Variants in PCDHGB3 observed in about 807,000 individuals in gnomAD.
PCDHGB3 encodes protocadherin gamma-B3.
A neutral mutation model predicts 59.2 loss-of-function variants in PCDHGB3; 40 were observed. The observed-to-expected ratio is 0.68, with a 90% CI of 0.52 to 0.88. The LOEUF (loss-of-function observed/expected upper bound fraction) is 0.88, where lower values mean the gene tolerates loss of function less well. Among genes scored for constraint, PCDHGB3 ranks in the 40% least tolerant of loss-of-function variants. The probability of loss-of-function intolerance (pLI) is 0.00; values close to 1 mark genes in which losing one functional copy is unlikely to be tolerated. For missense variants in PCDHGB3, 1,309 were observed against 1,187.9 expected (o/e 1.10, Z -1.50); for synonymous variants, 581 against 503.6 (o/e 1.15, Z -2.06).
chr5:141,498,045 A>G (rs1368474174), intron 2 of PCDHGB3, among the ~76,000 whole-genome samples: 4 of 152,256 alleles, frequency 2.6e-5, no homozygotes, highest in Non-Finnish European at 4.4e-5. Flanking sequence ...AATTACAAAA[A>G]TAAATGTGAG....
chr5:141,500,036 T>C (rs1001193977), intron 2 of PCDHGB3, among the ~76,000 whole-genome samples: 8 of 152,176 alleles, frequency 5.3e-5, no homozygotes, highest in African/African-American at 1.9e-4. Flanking sequence ...TGAGTGTCTC[T>C]TAAGTATCTT....
intron 1 of PCDHGB3, among the ~76,000 whole-genome samples, chr5:141,488,463 C>T (rs926068842): frequency 6.6e-6 from 1 of 152,164 alleles, no homozygotes; most frequent in African/African-American, 2.4e-5. Flanking sequence ...GATTCAGCCC[C>T]AGAAATGTTC....
chr5:141,470,358 A>G (rs1263824284), intron 1 of PCDHGB3, among the ~76,000 whole-genome samples: 2 of 152,174 alleles, frequency 1.3e-5, no homozygotes, highest in African/African-American at 4.8e-5. Context: ...AAATAGACAC[A>G]TTAGGTTGAA....
At chr5:141,479,470 T>G (rs2099497188) in intron 1 of PCDHGB3, 1 of 152,250 alleles carries the variant, frequency 6.6e-6, no homozygotes, top group African/African-American at 2.4e-5. Context: ...CAGTGACCTC[T>G]TGGGAGGGCA....
In PCDHGB3 at chr5:141,431,354, G is replaced by T. The variant is rs777198567; in HGVS notation, c.2415+58545G>T. The T allele has an allele frequency of 1.9e-6, 3 of 1,614,036 alleles. No individual in the cohort carries two copies. In the South Asian group the frequency reaches 3.3e-5, roughly 18 times the overall value. ...GTACCCCGAATTGGTGCTGAAACGC[G>T]CCCTGGACCGCGAAGAAAAGGCTGC... On this transcript the variant is annotated intron_variant, in intron 1 of 3. Coordinates refer to ENST00000576222, the MANE Select transcript of PCDHGB3 (RefSeq NM_018924.5). This position sits in a 1 kb window ranked among gnomAD's most constrained non-coding sequence, Gnocchi z 4.8.
chr5:141,431,584 G>A lies in PCDHGB3; in HGVS notation c.2415+58775G>A, dbSNP rs201462681. 7 of 1,614,074 alleles carry A rather than the reference G, an allele frequency of 4.3e-6. No homozygotes were observed. The African/African-American group carries it at 9.3e-5, about 22-fold the overall frequency. On this transcript the variant is annotated intron_variant, in intron 1 of 3. Coordinates refer to ENST00000576222, the MANE Select transcript of PCDHGB3 (RefSeq NM_018924.5). The surrounding 1 kb of genome is among the most constrained non-coding windows in gnomAD (Gnocchi z 4.8). ...CCGACCCTGACGAAGGAGTCAATGC[G>A]GAAGTGAGGTATTCCTTCCGGTATG... is the stretch of plus-strand genomic sequence containing the variant.
intron 1 of PCDHGB3, chr5:141,418,648 A>G (rs1387887578): frequency 1.2e-6 from 2 of 1,614,036 alleles, no homozygotes; most frequent in Non-Finnish European, 1.7e-6. Flanking sequence ...CCATCCTGAG[A>G]GTGAAGGCCA....
Position 141,383,013 on chromosome 5 carries a change from G to A in PCDHGB3, c.2415+10204G>A, listed in dbSNP as rs1209966350. Reference sequence around the variant, plus strand: ...GTATTCTCTACTCCGTGTCGGAGGAGACGGACAAAGGGTCCTTTGTGGGAG... The same window carrying A: ...GTATTCTCTACTCCGTGTCGGAGGAAACGGACAAAGGGTCCTTTGTGGGAG... On this transcript the variant is annotated intron_variant, in intron 1 of 3. Coordinates refer to ENST00000576222, the MANE Select transcript of PCDHGB3 (RefSeq NM_018924.5). 6 of 1,613,828 alleles carry A rather than the reference G, an allele frequency of 3.7e-6. No individual in the cohort carries two copies. The East Asian group carries it at 6.7e-5, about 18-fold the overall frequency.
Position 141,491,898 on chromosome 5 carries a change from G to C in PCDHGB3, c.2416-2909G>C, listed in dbSNP as rs772673872. 9.0e-5 allele frequency: 129 copies of C among 1,428,816 alleles called. 1 individual carries two copies. In the Middle Eastern group the frequency reaches 2.0e-3, roughly 22 times the overall value. The allele number at this position is 1,428,816 out of a possible 1,614,324, so 88.5% of individuals were successfully genotyped here. On this transcript the variant is annotated intron_variant, in intron 1 of 3. Coordinates refer to ENST00000576222, the MANE Select transcript of PCDHGB3 (RefSeq NM_018924.5). The surrounding 1 kb of genome is among the most constrained non-coding windows in gnomAD (Gnocchi z 6.9). ...ATTAAGGGATGGGGCTCCGAGCACCGGGGGTGGTGGCGACTGTGGGCGAGG... is the reference window on the plus strand; with the variant it reads ...ATTAAGGGATGGGGCTCCGAGCACCCGGGGTGGTGGCGACTGTGGGCGAGG...
At position 141,371,631 on chromosome 5, in the gene PCDHGB3, G is replaced by A; in HGVS notation, c.1237G>A (p.Glu413Lys). 3.1e-6 allele frequency: 5 copies of A among 1,614,006 alleles called. No individual in the cohort carries two copies. The highest frequency in any genetic ancestry group is 3.4e-6 in the Non-Finnish European group (4 of 1,179,898). The change falls in exon 1 of 4, where the codon GAG (glutamate) becomes AAG (lysine). Residue 413 changes from glutamate to lysine, a missense_variant. Physicochemically the swap from Glu to Lys is moderately conservative, Grantham distance 56 (BLOSUM62 1). Transcript: ENST00000576222. Reference sequence around the variant, plus strand: ...GGTGACAGATGGAGCCCTGGACCGGGAGCAGATCCCAGAATACAATGTGAC... The same window carrying A: ...GGTGACAGATGGAGCCCTGGACCGGAAGCAGATCCCAGAATACAATGTGAC... ...RLVTDGALDR[E>K]QIPEYNVTIT...
At chr5:141,414,472 A>C (rs1039987036) in intron 1 of PCDHGB3, 5 of 1,613,796 alleles carry the variant, frequency 3.1e-6, no homozygotes, top group African/African-American at 1.3e-5. Flanking sequence ...AGATGGGGGA[A>C]GTCCTCCTCT....
At chr5:141,409,050 G>C (rs371257178) in intron 1 of PCDHGB3, 1 of 1,613,988 alleles carries the variant, frequency 6.2e-7, no homozygotes. Context: ...TACTTCCGAA[G>C]CACTGCCCAG....
chr5:141,389,742 C>T (rs1477462199), intron 1 of PCDHGB3: 2 of 1,612,602 alleles, frequency 1.2e-6, no homozygotes, highest in Non-Finnish European at 1.7e-6. Context: ...CCTGGGGCTG[C>T]GCACGGGCGA....
In PCDHGB3 at chr5:141,512,385, A is replaced by G. The variant is rs78180647; in HGVS notation, c.*1212A>G. 6,750 of 152,704 alleles carry G rather than the reference A, an allele frequency of 0.044. 413 individuals carry two copies. Among genetic ancestry groups the G allele is most frequent in the Admixed American group, 0.18 (2,745 of 15,296 alleles). The allele number at this position is 152,704 out of a possible 1,614,324, so 9.5% of individuals were successfully genotyped here. ...TAGGGCAGGGACCAAATGAACAGAAAGTCTCAGCCCAGGATGGGGCTTCTT... is the reference window on the plus strand; with the variant it reads ...TAGGGCAGGGACCAAATGAACAGAAGGTCTCAGCCCAGGATGGGGCTTCTT... On this transcript the variant is annotated 3_prime_UTR_variant, in exon 4 of 4. Coordinates refer to ENST00000576222, the MANE Select transcript of PCDHGB3 (RefSeq NM_018924.5).
chr5:141,427,819 T>C, intron 1 of PCDHGB3: 1 of 1,531,664 alleles, frequency 6.5e-7, no homozygotes, highest in Non-Finnish European at 8.9e-7. Context: ...AGCGGGGTGG[T>C]GGTCGCGCAG....
intron 1 of PCDHGB3, chr5:141,408,050 G>C: frequency 7.9e-7 from 1 of 1,259,544 alleles, no homozygotes; most frequent in South Asian, 1.6e-5. Context: ...CCCACACAGA[G>C]CCTCCCGGCT....
chr5:141,384,134 G>T, intron 1 of PCDHGB3: 2 of 1,611,964 alleles, frequency 1.2e-6, no homozygotes, highest in South Asian at 2.2e-5. Context: ...AACTTGGACC[G>T]GGAAACACTC....
chr5:141,478,599 T>A, intron 1 of PCDHGB3: 1 of 1,565,814 alleles, frequency 6.4e-7, no homozygotes, highest in Non-Finnish European at 8.7e-7. Flanking sequence ...TATTCCTACA[T>A]CATATTGAGG....
At position 141,432,807 on chromosome 5, in the gene PCDHGB3, ACT is replaced by A. The variant is rs542925824; in HGVS notation, c.2415+60001_2415+60002del. On this transcript the variant is annotated intron_variant, in intron 1 of 3. Coordinates refer to ENST00000576222, the MANE Select transcript of PCDHGB3 (RefSeq NM_018924.5). This position sits in a 1 kb window ranked among gnomAD's most constrained non-coding sequence, Gnocchi z 6.0. ...CTCGGCAGCCTCGAGTCTCCAGCTA[ACT>A]CTGAAACCTCAGACCTCACTCTGTA... 352 of 1,613,946 alleles carry A rather than the reference ACT, an allele frequency of 2.2e-4. 2 individuals carry two copies. The African/African-American group carries it at 4.2e-3, about 19-fold the overall frequency.
Sources: allele counts gnomAD v4.1 joint callset (sites outside exome capture counted in the v4.1 genomes callset), GRCh38; gene constraint gnomAD v4.1.1; non-coding constraint Gnocchi (gnomAD v3.1); transcripts MANE v1.5; gene names NCBI Gene and HGNC (gene_info 2026-07-23, HGNC 2026-07-21).